The following TNNT3 variants were observed in gnomAD, a reference collection of about 807,000 sequenced individuals.
The protein encoded by TNNT3 is troponin T, fast skeletal muscle.
A neutral mutation model predicts 54.2 loss-of-function variants in TNNT3; 36 were observed. That is an observed-to-expected ratio of 0.66 (90% CI 0.51 to 0.88). The LOEUF (loss-of-function observed/expected upper bound fraction) is 0.88. Ranked by LOEUF, TNNT3 falls within the 40% of genes least tolerant of loss-of-function variation. The pLI, the probability that TNNT3 is intolerant of heterozygous loss-of-function variation, is 0.00. For synonymous variants in TNNT3, 120 were observed against 109.7 expected, an observed-to-expected ratio of 1.09 and a Z score of -0.59; for missense variants, 291 against 331.6, an observed-to-expected ratio of 0.88 and a Z score of 0.95.
chr11:1,925,642 G>C (rs909956485), intron 5 of TNNT3, among the ~76,000 whole-genome samples: 1 of 152,118 alleles, frequency 6.6e-6, no homozygotes, highest in South Asian at 2.1e-4. Context: ...TGGTGGCGTC[G>C]ACCCCTGGGC....
chr11:1,925,216 C>T (rs1170060366), intron 5 of TNNT3, 100 bp downstream of exon 5: 4 of 1,607,224 alleles, frequency 2.5e-6, no homozygotes. Context: ...TGCTGTGTGC[C>T]CCTGTCTAAC....
At chr11:1,932,606 T>C (rs779828083) in intron 9 of TNNT3, 92 bp downstream of exon 9, 1 of 1,341,306 alleles carries the variant, frequency 7.5e-7, no homozygotes, top group Admixed American at 1.7e-5. Context: ...TCCTCCCAAG[T>C]AGCCAGAGCC....
At chr11:1,925,679 G>C (rs897190290) in intron 5 of TNNT3, among the ~76,000 whole-genome samples, 15 of 152,140 alleles carry the variant, frequency 9.9e-5, no homozygotes, top group Non-Finnish European at 1.9e-4. Context: ...CCACATCTTG[G>C]GATGGCACAG....
intron 14 of TNNT3, 55 bp from the exon 15 acceptor site, chr11:1,936,908 T>G (rs1855256525): frequency 1.3e-6 from 2 of 1,561,940 alleles, no homozygotes; most frequent in South Asian, 2.3e-5. Context: ...CTTCACCCAG[T>G]ACACGCAGGC....
chr11:1,931,518 C>G (rs1443789819), intron 8 of TNNT3, among the ~76,000 whole-genome samples: 2 of 152,212 alleles, frequency 1.3e-5, no homozygotes, highest in Non-Finnish European at 2.9e-5. Flanking sequence ...TGCGCCCTAA[C>G]AGTCACTCGG....
In TNNT3 at chr11:1,935,025, G is replaced by A. The variant is rs545145515; in HGVS notation, c.681+106G>A. 869 of 1,115,828 alleles carry A rather than the reference G, an allele frequency of 7.8e-4. 2 individuals carry two copies. The highest frequency in any genetic ancestry group is 1.0e-3 in the Non-Finnish European group (760 of 738,038). The allele number at this position is 1,115,828 out of a possible 1,614,324, so 69.1% of individuals were successfully genotyped here. ...AAACTCTGGACCTGCCCACCCCAGG[G>A]ACCTGGACCCTGAGAGGCCCAAACA... On this transcript the variant is annotated intron_variant, in intron 14 of 15. Coordinates refer to ENST00000278317, the MANE Select transcript of TNNT3 (RefSeq NM_006757.4).
intron 6 of TNNT3, among the ~76,000 whole-genome samples, chr11:1,928,226 G>T (rs1056302186): frequency 1.3e-5 from 2 of 152,232 alleles, no homozygotes; most frequent in African/African-American, 4.8e-5. Context: ...CCAGAGCAGG[G>T]ACTGAAGGGA....
chr11:1,925,150 C>T (rs771603410), intron 5 of TNNT3, 34 bp downstream of exon 5: 28 of 1,610,254 alleles, frequency 1.7e-5, no homozygotes, highest in South Asian at 5.5e-5. Context: ...CCCCCATGCC[C>T]ACTCCCCAGC....
intron 9 of TNNT3, among the ~76,000 whole-genome samples, 189 bp from the exon 10 acceptor site, chr11:1,933,532 A>G (rs115015425): frequency 7.2e-4 from 109 of 152,314 alleles, no homozygotes; most frequent in African/African-American, 2.6e-3. Flanking sequence ...CTCGGCCCCT[A>G]TGAGGATAGC....
In TNNT3 at chr11:1,923,201, C is replaced by G. The variant is rs916369939; in HGVS notation, c.31+140C>G. ...CATCCCATGGGTGGCTTCTGAGTGA[C>G]CCCCGGAAAACAGCTGTCCAAGTGG... On this transcript the variant is annotated intron_variant, in intron 3 of 15. Transcript: ENST00000278317. 76 of 1,260,980 alleles carry G rather than the reference C, an allele frequency of 6.0e-5. No homozygotes were observed. The African/African-American group carries it at 1.1e-3, about 19-fold the overall frequency. 78.1% of individuals were successfully genotyped at this position (1,260,980 alleles called of 1,614,324 possible). A position where few individuals can be genotyped will look rare whatever the true frequency, so the allele number is the denominator to read the frequency against.
At chr11:1,923,615 G>A in intron 4 of TNNT3, 43 bp downstream of exon 4, 1 of 1,556,744 alleles carries the variant, frequency 6.4e-7, no homozygotes, top group Non-Finnish European at 8.8e-7. Context: ...CCCCTCCTTG[G>A]AACTTAACCC....
In TNNT3 at chr11:1,934,579, C is replaced by T. The variant is rs1349483522; in HGVS notation, c.514C>T (p.Arg172Trp). The T allele has an allele frequency of 1.1e-5, 18 of 1,609,520 alleles. No homozygotes were observed. The highest frequency in any genetic ancestry group is 1.6e-4 in the Middle Eastern group (1 of 6,062). ...DQKRGKKQTA[R>W]EMKKKILAER... ...GAAGAGAGGCAAGAAGCAGACAGCC[C>T]GGGAAATGAAGAAGAAGATTCTGGC... Residue 172 changes from arginine (R) to tryptophan (W), a missense_variant, in exon 13 of 16, where the codon CGG becomes TGG. Coordinates refer to ENST00000278317, the MANE Select transcript of TNNT3 (RefSeq NM_006757.4).
Position 1,929,790 on chromosome 11 carries a change from G to A in TNNT3, c.107-20G>A, listed in dbSNP as rs754605874. The A allele has an allele frequency of 7.7e-5, 119 of 1,551,920 alleles. No homozygotes were observed. The highest frequency in any genetic ancestry group is 3.2e-4 in the South Asian group (27 of 84,064). On this transcript the variant is annotated intron_variant, in intron 7 of 15. Coordinates refer to ENST00000278317, the MANE Select transcript of TNNT3 (RefSeq NM_006757.4). ...CCCACGCTGGTGTCCCTCTCCCTACGCTGGTGCTGTGTGGACCAGAGGAGA... is the reference window on the plus strand; with the variant it reads ...CCCACGCTGGTGTCCCTCTCCCTACACTGGTGCTGTGTGGACCAGAGGAGA...
At chr11:1,936,347 G>A (rs1312644760) in intron 14 of TNNT3, 1 of 1,425,638 alleles carries the variant, frequency 7.0e-7, no homozygotes, top group East Asian at 2.3e-5. Flanking sequence ...GATCGCTCAG[G>A]ATGCTGGCGG....
intron 1 of TNNT3, among the ~76,000 whole-genome samples, chr11:1,920,939 G>A (rs1849964763): frequency 6.6e-6 from 1 of 152,134 alleles, no homozygotes; most frequent in African/African-American, 2.4e-5. Context: ...AGAAAACCAG[G>A]TGCCTCAGTT....
chr11:1,926,740 G>A (rs1253162806), intron 6 of TNNT3, 31 bp downstream of exon 6: 1 of 1,612,954 alleles, frequency 6.2e-7, no homozygotes, highest in Non-Finnish European at 8.5e-7. Flanking sequence ...CTCCAGGCCA[G>A]AGTCTCCGTC....
chr11:1,925,213 T>A (rs768704606), intron 5 of TNNT3, 97 bp downstream of exon 5: 1 of 1,606,266 alleles, frequency 6.2e-7, no homozygotes, highest in South Asian at 1.1e-5. Flanking sequence ...GATTGCTGTG[T>A]GCCCCTGTCT....
At chr11:1,938,011 C>T (rs919351928) in intron 15 of TNNT3, among the ~76,000 whole-genome samples, 4 of 152,228 alleles carry the variant, frequency 2.6e-5, no homozygotes, top group East Asian at 1.9e-4. Flanking sequence ...CAGCTCCTCC[C>T]GGCTCGTGGC....
intron 1 of TNNT3, among the ~76,000 whole-genome samples, chr11:1,920,969 C>G (rs1849970879): frequency 6.6e-6 from 1 of 152,182 alleles, no homozygotes; most frequent in Non-Finnish European, 1.5e-5. Flanking sequence ...GGAGAGTGGG[C>G]CTTTCCAGCG....
Sources: allele counts gnomAD v4.1 joint callset (sites outside exome capture counted in the v4.1 genomes callset), GRCh38; gene constraint gnomAD v4.1.1; transcripts MANE v1.5; gene names NCBI Gene and HGNC (gene_info 2026-07-23, HGNC 2026-07-21).